The following OSBPL10 variants were observed in gnomAD, a reference collection of about 807,000 sequenced individuals.
The protein encoded by OSBPL10 is oxysterol binding protein like 10.
Under a neutral mutation model 81.7 loss-of-function variants are expected in OSBPL10, and 49 were observed. That is an observed-to-expected ratio of 0.60 (90% CI 0.48 to 0.76). The LOEUF is 0.76. Ranked by LOEUF, OSBPL10 falls within the 30% of genes least tolerant of loss-of-function variation. OSBPL10 has a pLI of 0.00. For missense variants in OSBPL10, 923 were observed against 987.8 expected, an observed-to-expected ratio of 0.93 and a Z score of 0.88; for synonymous variants, 419 against 383.6, an observed-to-expected ratio of 1.09 and a Z score of -1.08.
intron 1 of OSBPL10, among the ~76,000 whole-genome samples, chr3:31,921,791 A>G (rs896521776): frequency 1.3e-5 from 2 of 152,204 alleles, no homozygotes; most frequent in Non-Finnish European, 2.9e-5. Flanking sequence ...AGAGGAGAGA[A>G]ACTTCACAGG....
At chr3:31,746,148 A>G (rs924502283) in intron 5 of OSBPL10, among the ~76,000 whole-genome samples, 5 of 152,206 alleles carry the variant, frequency 3.3e-5, no homozygotes, top group Non-Finnish European at 7.3e-5. Context: ...CTCCTCCAAA[A>G]GGACTGAGGC....
rs543206347 is a variant in OSBPL10 at position 31,769,751 on chromosome 3, C to T, written c.730-21631G>A. On this transcript the variant is annotated intron_variant, in intron 4 of 11. Coordinates refer to ENST00000396556, the MANE Select transcript of OSBPL10 (RefSeq NM_017784.5). ...CCTTTTCACCACTAAGGAACCCCACCTCACCCACTTCTTGCTTTCAGTTAT... is the reference window on the plus strand; with the variant it reads ...CCTTTTCACCACTAAGGAACCCCACTTCACCCACTTCTTGCTTTCAGTTAT... Among the ~76,000 whole-genome samples, 47 of 152,156 alleles carry T rather than the reference C, an allele frequency of 3.1e-4. No individual in the cohort carries two copies. The South Asian group carries it at 9.1e-3, about 30-fold the overall frequency.
chr3:32,042,191 TCAGA>T (rs1458143379), intron 2 of OSBPL10, among the ~76,000 whole-genome samples: 1 of 152,224 alleles, frequency 6.6e-6, no homozygotes, highest in African/African-American at 2.4e-5. Context: ...GAAGATGCTC[TCAGA>T]CAATTTCACC....
rs894856530 is a variant in OSBPL10, at chr3:31,995,586, A to G, written n.298+50905T>C. ...GTTCAAACACACATGTTTTACAATC[A>G]ATTTGTACAGTTAACGCAATCATCA... is the stretch of plus-strand genomic sequence containing the variant. On this transcript the variant is annotated intron_variant and non_coding_transcript_variant, in intron 2 of 3. Coordinates refer to the OSBPL10 transcript ENST00000479173. Among the ~76,000 whole-genome samples the G allele has an allele frequency of 2.0e-5, 3 of 152,216 alleles. No homozygotes were observed. The South Asian group carries it at 6.2e-4, about 32-fold the overall frequency.
At position 31,757,654 on chromosome 3, in the gene OSBPL10, C is replaced by T. The variant is rs80248998; in HGVS notation, c.730-9534G>A. Among the ~76,000 whole-genome samples the T allele has an allele frequency of 4.6e-3, 698 of 152,286 alleles. 5 individuals carry two copies. Among genetic ancestry groups the T allele is most frequent in the African/African-American group, 0.016 (656 of 41,556 alleles). On this transcript the variant is annotated intron_variant, in intron 4 of 11. Coordinates refer to ENST00000396556, the MANE Select transcript of OSBPL10 (RefSeq NM_017784.5). Reference sequence around the variant, plus strand: ...AACATAGATCTCCTTTTAATGATTGCATGTATAAGAGCTTTTCCTCCAAAC... The same window carrying T: ...AACATAGATCTCCTTTTAATGATTGTATGTATAAGAGCTTTTCCTCCAAAC...
chr3:31,932,244 C>T (rs946213192), intron 1 of OSBPL10, among the ~76,000 whole-genome samples: 9 of 152,144 alleles, frequency 5.9e-5, no homozygotes, highest in African/African-American at 2.2e-4. Flanking sequence ...ATCCATTTCA[C>T]TAGAGTTTCC....
chr3:31,750,136 C>A (rs931306481), intron 4 of OSBPL10, among the ~76,000 whole-genome samples: 1 of 151,558 alleles, frequency 6.6e-6, no homozygotes, highest in African/African-American at 2.4e-5. Context: ...AAGCTGAGAT[C>A]GCGCCACTGC....
intron 4 of OSBPL10, among the ~76,000 whole-genome samples, chr3:31,812,251 C>G (rs1187697080): frequency 2.0e-5 from 3 of 152,308 alleles, no homozygotes; most frequent in South Asian, 2.1e-4. Flanking sequence ...AGGCTGGTCT[C>G]AAACTCCTGA....
chr3:32,046,684 C>G (rs1399480442), intron 1 of OSBPL10: 1 of 152,216 alleles, frequency 6.6e-6, no homozygotes, highest in African/African-American at 2.4e-5. Flanking sequence ...CAACCAACCA[C>G]CAATTCATCC....
intron 1 of OSBPL10, among the ~76,000 whole-genome samples, chr3:31,966,503 A>G (rs1324931886): frequency 6.6e-6 from 1 of 151,994 alleles, no homozygotes; most frequent in Non-Finnish European, 1.5e-5. Flanking sequence ...CAAAAAGTTG[A>G]TTCTTAGAAA....
intron 8 of OSBPL10, among the ~76,000 whole-genome samples, chr3:31,679,387 C>G (rs1379852491): frequency 1.3e-5 from 2 of 152,306 alleles, no homozygotes; most frequent in Middle Eastern, 6.8e-3. Flanking sequence ...CTCCCGGGGG[C>G]AGGGAATCTG....
chr3:31,885,926 C>T (rs1163946713), intron 1 of OSBPL10, among the ~76,000 whole-genome samples: 2 of 137,808 alleles, frequency 1.5e-5, no homozygotes, highest in East Asian at 4.5e-4. Context: ...ACCCAGGATG[C>T]GGAGGTTGCA....
chr3:31,794,981 T>C lies in OSBPL10; in HGVS notation c.729+35059A>G. The C allele has an allele frequency of 2.0e-5, 6 of 303,650 alleles. No homozygotes were observed. The South Asian group carries it at 2.5e-4, about 13-fold the overall frequency. 18.8% of individuals were successfully genotyped at this position (303,650 alleles called of 1,614,324 possible). Reference sequence around the variant, plus strand: ...GTCCATGTGTCACAGGAGCCATTTATCTCTTATGAGGTTGGGAAGAACTTC... The same window carrying C: ...GTCCATGTGTCACAGGAGCCATTTACCTCTTATGAGGTTGGGAAGAACTTC... On this transcript the variant is annotated intron_variant, in intron 4 of 11. Coordinates refer to ENST00000396556, the MANE Select transcript of OSBPL10 (RefSeq NM_017784.5).
chr3:31,842,213 G>A (rs371496491), intron 3 of OSBPL10, among the ~76,000 whole-genome samples: 1 of 152,250 alleles, frequency 6.6e-6, no homozygotes, highest in African/African-American at 2.4e-5. Flanking sequence ...AATGGTGGAT[G>A]ATTTCGCTGT....
intron 10 of OSBPL10, chr3:31,664,483 G>A (rs950946394): frequency 3.5e-6 from 2 of 573,760 alleles, no homozygotes; most frequent in Non-Finnish European, 3.1e-6. Flanking sequence ...GAGATTCTGG[G>A]AATCAAATCT....
chr3:31,901,579 T>C (rs1696242822), intron 1 of OSBPL10, among the ~76,000 whole-genome samples: 1 of 152,248 alleles, frequency 6.6e-6, no homozygotes, highest in Non-Finnish European at 1.5e-5. Context: ...CCTGTCACTC[T>C]GCCCCATAGC....
At chr3:31,828,751 T>C (rs542660812) in intron 4 of OSBPL10, among the ~76,000 whole-genome samples, 58 of 152,328 alleles carry the variant, frequency 3.8e-4, no homozygotes, top group Middle Eastern at 6.8e-3. Flanking sequence ...CAGGCTGCTC[T>C]CGAACTCCTG....
At chr3:31,934,617 A>G (rs1329751401) in intron 1 of OSBPL10, among the ~76,000 whole-genome samples, 2 of 151,914 alleles carry the variant, frequency 1.3e-5, no homozygotes, top group African/African-American at 4.8e-5. Flanking sequence ...ATGTTTCCCA[A>G]GCTGGTCTCA....
intron 1 of OSBPL10, among the ~76,000 whole-genome samples, chr3:31,947,633 G>C (rs1697740740): frequency 6.6e-6 from 1 of 152,120 alleles, no homozygotes; most frequent in South Asian, 2.1e-4. Context: ...GAAGTCTAAA[G>C]ATGACCAACA....
Sources: allele counts gnomAD v4.1 joint callset (sites outside exome capture counted in the v4.1 genomes callset), GRCh38; gene constraint gnomAD v4.1.1; transcripts MANE v1.5; gene names NCBI Gene and HGNC (gene_info 2026-07-23, HGNC 2026-07-21).